PTPRG: variants seen among roughly 807,000 people sequenced by gnomAD.
PTPRG encodes the protein protein tyrosine phosphatase receptor type G, also known as receptor-type tyrosine-protein phosphatase gamma.
Under a neutral mutation model 165.3 loss-of-function variants are expected in PTPRG, and 102 were observed. The ratio of observed to expected loss-of-function variants is 0.62; its 90% CI spans 0.53 to 0.73. The LOEUF is 0.73. Ranked by LOEUF, PTPRG falls within the 30% of genes least tolerant of loss-of-function variation. PTPRG has a pLI of 0.00. For missense variants in PTPRG, 1,866 were observed against 1,861.4 expected, an observed-to-expected ratio of 1.00 and a Z score of -0.05; for synonymous variants, 675 against 669.5, an observed-to-expected ratio of 1.01 and a Z score of -0.13.
At chr3:61,679,489 A>G (rs1286067179) in intron 1 of PTPRG, among the ~76,000 whole-genome samples, 2 of 152,158 alleles carry the variant, frequency 1.3e-5, no homozygotes, top group African/African-American at 2.4e-5. Context: ...ATCTCATTAG[A>G]TTCCAGTGAA....
intron 17 of PTPRG, among the ~76,000 whole-genome samples, chr3:62,265,925 A>ACACACACACACACACACACACACC (rs1401710389): frequency 1.3e-5 from 2 of 149,752 alleles, no homozygotes; most frequent in Admixed American, 1.3e-4. Flanking sequence ...ACACACACAC[A>ACACACACACACACACACACACACC]CCATTCTCTC....
intron 2 of PTPRG, among the ~76,000 whole-genome samples, chr3:61,987,645 T>C (rs1045377781): frequency 7.9e-5 from 12 of 151,912 alleles, no homozygotes; most frequent in Non-Finnish European, 1.5e-5. Flanking sequence ...ACATATGATA[T>C]TATGATATTA....
At chr3:62,247,690 G>A (rs549610496) in intron 15 of PTPRG, among the ~76,000 whole-genome samples, 3 of 152,248 alleles carry the variant, frequency 2.0e-5, no homozygotes, top group South Asian at 4.1e-4. Flanking sequence ...TCACAGCCAC[G>A]TTGAATGTTG....
At chr3:61,815,682 G>A (rs766879587) in intron 2 of PTPRG, among the ~76,000 whole-genome samples, 1 of 152,182 alleles carries the variant, frequency 6.6e-6, no homozygotes, top group Non-Finnish European at 1.5e-5. Context: ...TCATTGCTCT[G>A]TGATCTTAAT....
chr3:62,228,462 G>A lies in PTPRG; in HGVS notation c.2289-2763G>A, dbSNP rs1325330045. ...CTTAAAATCAGAGGATGCAGTAGGT[G>A]GAGATCACGCCATTGCACTCCAGCC... On this transcript the variant is annotated intron_variant, in intron 13 of 29. Coordinates refer to ENST00000474889, the MANE Select transcript of PTPRG (RefSeq NM_002841.4). This position sits in a 1 kb window ranked among gnomAD's most constrained non-coding sequence, Gnocchi z 4.1. Among the ~76,000 whole-genome samples the A allele has an allele frequency of 6.6e-6, 1 of 151,298 alleles. No individual in the cohort carries two copies. The highest frequency in any genetic ancestry group is 1.5e-5 in the Non-Finnish European group (1 of 67,870).
chr3:61,959,812 A>G (rs1202942707), intron 2 of PTPRG, among the ~76,000 whole-genome samples: 1 of 151,776 alleles, frequency 6.6e-6, no homozygotes, highest in Admixed American at 6.6e-5. Flanking sequence ...TGTGTGAGAA[A>G]CCCTCCTGGA....
intron 1 of PTPRG, among the ~76,000 whole-genome samples, chr3:61,690,678 A>G (rs1485572647): frequency 6.6e-6 from 1 of 152,170 alleles, no homozygotes; most frequent in Non-Finnish European, 1.5e-5. Context: ...TGGATTCCAC[A>G]TCCTAAGAGA....
chr3:61,672,800 GGGGAGAGAGA>G (rs1575580300), intron 1 of PTPRG, among the ~76,000 whole-genome samples: 1 of 140,124 alleles, frequency 7.1e-6, no homozygotes, highest in Non-Finnish European at 1.5e-5. Flanking sequence ...AGGGAGAGAG[GGGGAGAGAGA>G]GGGAGAGAGA....
chr3:62,257,379 T>G (rs1163455103), intron 16 of PTPRG, among the ~76,000 whole-genome samples: 1 of 152,168 alleles, frequency 6.6e-6, no homozygotes, highest in African/African-American at 2.4e-5. Flanking sequence ...AACAAAATTG[T>G]ATTATGGTAA....
At chr3:61,625,402 T>G (rs1180148250) in intron 1 of PTPRG, among the ~76,000 whole-genome samples, 2 of 152,168 alleles carry the variant, frequency 1.3e-5, no homozygotes, top group African/African-American at 2.4e-5. Context: ...ACTTTTAACT[T>G]TCATCTCTTA....
Position 62,237,459 on chromosome 3 carries a change from G to A in PTPRG, c.2375+6148G>A, listed in dbSNP as rs1385211818. Among the ~76,000 whole-genome samples, 2 of 152,124 alleles carry A rather than the reference G, an allele frequency of 1.3e-5. No homozygotes were observed. Among genetic ancestry groups the A allele is most frequent in the African/African-American group, 4.8e-5 (2 of 41,406 alleles). On this transcript the variant is annotated intron_variant, in intron 14 of 29. Transcript: ENST00000474889. This position sits in a 1 kb window ranked among gnomAD's most constrained non-coding sequence, Gnocchi z 4.5. ...ACATACTGGAACCTGTCATGTGCTG[G>A]CAGTGTATATTTTTCAGCAGGGAGC...
At chr3:61,995,697 T>C (rs1336844017) in intron 3 of PTPRG, among the ~76,000 whole-genome samples, 3 of 77,536 alleles carry the variant, frequency 3.9e-5, no homozygotes, top group Admixed American at 1.3e-4. Context: ...CCTTCCTTCC[T>C]TCCTTCCTTC....
chr3:62,278,411 T>C (rs943380887), intron 26 of PTPRG, among the ~76,000 whole-genome samples: 1 of 152,066 alleles, frequency 6.6e-6, no homozygotes, highest in African/African-American at 2.4e-5. Flanking sequence ...TTTCAGTCTC[T>C]AAACTATACA....
chr3:61,676,462 A>AAAAAAAAAAAAAAAAAAAAAAAC (rs1703226866), intron 1 of PTPRG, among the ~76,000 whole-genome samples: 1 of 143,990 alleles, frequency 6.9e-6, no homozygotes, highest in African/African-American at 2.5e-5. Flanking sequence ...ATCTCAAAAA[A>AAAAAAAAAAAAAAAAAAAAAAAC]AAAAAAAAAA....
intron 12 of PTPRG, among the ~76,000 whole-genome samples, chr3:62,207,398 T>G (rs1700256687): frequency 6.6e-6 from 1 of 152,206 alleles, no homozygotes; most frequent in Admixed American, 6.5e-5. Flanking sequence ...AAATCCCACA[T>G]CAGTCAATGA....
intron 3 of PTPRG, among the ~76,000 whole-genome samples, chr3:61,994,041 A>G (rs909593557): frequency 2.0e-5 from 3 of 152,220 alleles, no homozygotes; most frequent in African/African-American, 7.2e-5. Flanking sequence ...TCTTCACAAG[A>G]CAGATAGCAT....
intron 1 of PTPRG, among the ~76,000 whole-genome samples, chr3:61,628,040 A>G (rs556272997): frequency 6.6e-6 from 1 of 152,324 alleles, no homozygotes; most frequent in African/African-American, 2.4e-5. Flanking sequence ...TAACTGAGAT[A>G]AGCCAGGATT....
intron 1 of PTPRG, among the ~76,000 whole-genome samples, chr3:61,623,347 A>G (rs1241618405): frequency 3.3e-5 from 5 of 152,206 alleles, no homozygotes; most frequent in Admixed American, 3.3e-4. Flanking sequence ...GGACAGAACA[A>G]CTGCATGGTT....
chr3:61,955,372 G>A (rs1301935961), intron 2 of PTPRG, among the ~76,000 whole-genome samples: 2 of 152,194 alleles, frequency 1.3e-5, no homozygotes, highest in African/African-American at 4.8e-5. Context: ...AAAACCATTA[G>A]CTAATGACAA....
Sources: allele counts gnomAD v4.1 joint callset (sites outside exome capture counted in the v4.1 genomes callset), GRCh38; gene constraint gnomAD v4.1.1; non-coding constraint Gnocchi (gnomAD v3.1); transcripts MANE v1.5; gene names NCBI Gene and HGNC (gene_info 2026-07-23, HGNC 2026-07-21).